ST3GAL1: variants seen among roughly 807,000 people sequenced by gnomAD.
The protein encoded by ST3GAL1 is ST3 beta-galactoside alpha-2,3-sialyltransferase 1, also known as CMP-N-acetylneuraminate-beta-galactosamide-alpha-2,3-sialyltransferase 1.
A neutral mutation model predicts 34.1 loss-of-function variants in ST3GAL1; 16 were observed. The ratio of observed to expected loss-of-function variants is 0.47; its 90% CI spans 0.32 to 0.71. ST3GAL1 has a LOEUF of 0.71. Ranked by LOEUF, ST3GAL1 falls within the 30% of genes least tolerant of loss-of-function variation. The pLI, the probability that ST3GAL1 is intolerant of heterozygous loss-of-function variation, is 0.04. For missense variants in ST3GAL1, 353 were observed against 447.4 expected (o/e 0.79, Z 1.90); for synonymous variants, 191 against 184.7 (o/e 1.03, Z -0.28).
intron 2 of ST3GAL1, among the ~76,000 whole-genome samples, chr8:133,511,493 A>G (rs1249086821): frequency 6.6e-6 from 1 of 152,222 alleles, no homozygotes; most frequent in Non-Finnish European, 1.5e-5. Flanking sequence ...ACAATCTATT[A>G]GTAGGTGACT....
At chr8:133,530,262 C>T (rs1818110316) in intron 2 of ST3GAL1, among the ~76,000 whole-genome samples, 1 of 146,376 alleles carries the variant, frequency 6.8e-6, no homozygotes, top group African/African-American at 2.6e-5. Context: ...GTCCTGAGGC[C>T]TTCTTTTTTT....
At chr8:133,544,524 A>C (rs934223443) in intron 2 of ST3GAL1, among the ~76,000 whole-genome samples, 2 of 152,166 alleles carry the variant, frequency 1.3e-5, no homozygotes, top group Admixed American at 6.6e-5. Flanking sequence ...CACACATGCC[A>C]CATCTTCAGC....
intron 6 of ST3GAL1, 43 bp from the exon 7 acceptor site, chr8:133,465,000 C>A: frequency 6.3e-7 from 1 of 1,575,226 alleles, no homozygotes; most frequent in South Asian, 1.2e-5. Flanking sequence ...AGCACGGGCA[C>A]CCGTTCTCAG....
At position 133,459,070 on chromosome 8, in the gene ST3GAL1, T is replaced by C. The variant is rs1586577837; in HGVS notation, c.*694A>G. 1 of 152,098 alleles carries C rather than the reference T, an allele frequency of 6.6e-6. No homozygotes were observed. The highest frequency in any genetic ancestry group is 6.5e-5 in the Admixed American group (1 of 15,270). The allele number at this position is 152,098 out of a possible 1,614,324, so 9.4% of individuals were successfully genotyped here. Reference sequence around the variant, plus strand: ...CTGGCTAATTTTTTTAAATCTTTTATTTTTGTAGAGACAGGAGTCTCACTA... The same window carrying C: ...CTGGCTAATTTTTTTAAATCTTTTACTTTTGTAGAGACAGGAGTCTCACTA... On this transcript the variant is annotated 3_prime_UTR_variant, in exon 10 of 10. Coordinates refer to ENST00000522652, the MANE Select transcript of ST3GAL1 (RefSeq NM_173344.3). The surrounding 1 kb of genome is among the most constrained non-coding windows in gnomAD (Gnocchi z 4.7).
At position 133,458,886 on chromosome 8, in the gene ST3GAL1, CT is replaced by C. The variant is rs61689158; in HGVS notation, c.*877del. The C allele has an allele frequency of 0.18, 24,523 of 137,720 alleles. 2,489 individuals are homozygous for C. The highest frequency in any genetic ancestry group is 0.51 in the East Asian group (2,368 of 4,632). The allele number at this position is 137,720 out of a possible 1,614,324, so 8.5% of individuals were successfully genotyped here. A position where few individuals can be genotyped will look rare whatever the true frequency, so the allele number is the denominator to read the frequency against. ...CCAAGTTTGGGGTTTTTTTTCTTTTCTTTTTTTTTTTTTTTCAGAGACAGGG... is the reference window on the plus strand; with the variant it reads ...CCAAGTTTGGGGTTTTTTTTCTTTTCTTTTTTTTTTTTTTCAGAGACAGGG... On this transcript the variant is annotated 3_prime_UTR_variant, in exon 10 of 10. Coordinates refer to ENST00000522652, the MANE Select transcript of ST3GAL1 (RefSeq NM_173344.3).
chr8:133,494,063 A>C (rs558943266), intron 3 of ST3GAL1, among the ~76,000 whole-genome samples: 2 of 152,352 alleles, frequency 1.3e-5, no homozygotes, highest in South Asian at 4.1e-4. Flanking sequence ...ATAGCTTCTC[A>C]GTGAAGAAAA....
chr8:133,516,207 G>C (rs1299196536), intron 2 of ST3GAL1: 2 of 152,162 alleles, frequency 1.3e-5, no homozygotes, highest in Non-Finnish European at 2.9e-5. Flanking sequence ...GCTATGCCTA[G>C]AAGGTATAAT....
chr8:133,502,740 C>A (rs186232669), intron 2 of ST3GAL1, among the ~76,000 whole-genome samples: 2 of 152,318 alleles, frequency 1.3e-5, no homozygotes, highest in Admixed American at 6.5e-5. Context: ...TTGCTGAAGG[C>A]CATATGACTA....
At chr8:133,557,984 C>T (rs1819109117) in intron 1 of ST3GAL1, among the ~76,000 whole-genome samples, 1 of 151,982 alleles carries the variant, frequency 6.6e-6, no homozygotes, top group Non-Finnish European at 1.5e-5. Flanking sequence ...TCTTGTGCCT[C>T]TGATGTCCAG....
intron 2 of ST3GAL1, among the ~76,000 whole-genome samples, chr8:133,512,932 C>T (rs1434405232): frequency 6.6e-6 from 1 of 152,118 alleles, no homozygotes; most frequent in African/African-American, 2.4e-5. Context: ...AAGATCAAAC[C>T]TGACAATCCA....
chr8:133,498,479 A>T (rs981536201), intron 3 of ST3GAL1, among the ~76,000 whole-genome samples: 2 of 151,850 alleles, frequency 1.3e-5, no homozygotes, highest in African/African-American at 4.8e-5. Flanking sequence ...AGGTGCCCTC[A>T]GATCTGTCAA....
At chr8:133,517,135 C>T (rs576024842) in intron 2 of ST3GAL1, among the ~76,000 whole-genome samples, 2 of 152,178 alleles carry the variant, frequency 1.3e-5, no homozygotes, top group South Asian at 2.1e-4. Flanking sequence ...ATTATGGGGA[C>T]GTTTTCAGTA....
intron 5 of ST3GAL1, among the ~76,000 whole-genome samples, chr8:133,470,420 A>G (rs1815905462): frequency 7.6e-6 from 1 of 130,980 alleles, no homozygotes; most frequent in African/African-American, 3.0e-5. Flanking sequence ...ACTCCATGCC[A>G]AAAAAAAAAA....
intron 2 of ST3GAL1, among the ~76,000 whole-genome samples, chr8:133,531,362 C>T (rs774554811): frequency 2.6e-5 from 4 of 152,110 alleles, no homozygotes; most frequent in Non-Finnish European, 5.9e-5. Context: ...GCTATAGATA[C>T]ATAACCTGTA....
intron 3 of ST3GAL1, 139 bp from the exon 4 acceptor site, chr8:133,476,739 G>A (rs993897382): frequency 3.9e-5 from 6 of 152,192 alleles, no homozygotes; most frequent in Non-Finnish European, 7.3e-5. Context: ...GGCTCTGGAT[G>A]GTTTATCTAC....
At chr8:133,563,741 T>C (rs1819311489) in intron 1 of ST3GAL1, among the ~76,000 whole-genome samples, 1 of 152,174 alleles carries the variant, frequency 6.6e-6, no homozygotes, top group African/African-American at 2.4e-5. Context: ...ATTATAATAG[T>C]AAAAAACACA....
Position 133,478,231 on chromosome 8 carries a change from G to T in ST3GAL1, c.-373-1631C>A, listed in dbSNP as rs568591982. ...TAAGAATAACTTCTGCATCATCACA[G>T]ATAGGCTCACAATTCACTTGACTGG... On this transcript the variant is annotated intron_variant, in intron 3 of 9. Transcript: ENST00000522652. 1.2e-3 allele frequency among the ~76,000 whole-genome samples: 176 copies of T among 152,358 alleles called. 2 individuals carry two copies. The highest frequency in any genetic ancestry group is 1.6e-3 in the Non-Finnish European group (111 of 68,030).
intron 2 of ST3GAL1, among the ~76,000 whole-genome samples, chr8:133,521,577 G>A (rs1452390592): frequency 1.3e-5 from 2 of 152,194 alleles, no homozygotes; most frequent in South Asian, 2.1e-4. Flanking sequence ...AATTACAGGC[G>A]TGAAACACCG....
chr8:133,556,373 GGACAGGA>G lies in ST3GAL1; in HGVS notation c.-581-10454_-581-10448del, dbSNP rs1211453417. Among the ~76,000 whole-genome samples, 1 of 152,180 alleles carries G rather than the reference GGACAGGA, an allele frequency of 6.6e-6. No individual in the cohort carries two copies. Among genetic ancestry groups the G allele is most frequent in the Non-Finnish European group, 1.5e-5 (1 of 68,044 alleles). ...CTTCTCCCCCTGGCCTTGGCCTCCT[GGACAGGA>G]GACAACCCCTTGGCCTTGCTCTTGG... On this transcript the variant is annotated intron_variant, in intron 1 of 9. Coordinates refer to ENST00000522652, the MANE Select transcript of ST3GAL1 (RefSeq NM_173344.3). This position sits in a 1 kb window ranked among gnomAD's most constrained non-coding sequence, Gnocchi z 8.9.
Sources: allele counts gnomAD v4.1 joint callset (sites outside exome capture counted in the v4.1 genomes callset), GRCh38; gene constraint gnomAD v4.1.1; non-coding constraint Gnocchi (gnomAD v3.1); transcripts MANE v1.5; gene names NCBI Gene and HGNC (gene_info 2026-07-23, HGNC 2026-07-21).